The following OPA1 variants were observed in gnomAD, a reference collection of about 807,000 sequenced individuals.
The protein encoded by OPA1 is dynamin-like GTPase OPA1, mitochondrial.
A neutral mutation model predicts 152.9 loss-of-function variants in OPA1; 59 were observed. The observed-to-expected ratio is 0.39, with a 90% CI of 0.31 to 0.48. The LOEUF (loss-of-function observed/expected upper bound fraction) is 0.48. Ranked by LOEUF, OPA1 falls within the 20% of genes least tolerant of loss-of-function variation. The pLI is 0.96. For missense variants in OPA1, 1,008 were observed against 1,216.8 expected, an observed-to-expected ratio of 0.83 and a Z score of 2.55; for synonymous variants, 400 against 389.9, an observed-to-expected ratio of 1.03 and a Z score of -0.31.
At chr3:193,648,916 C>T (rs374948935) in intron 21 of OPA1, 45 bp downstream of exon 21, 194 of 1,254,630 alleles carry the variant, frequency 1.5e-4, no homozygotes, top group Non-Finnish European at 2.1e-4. Flanking sequence ...CTTTACTGTA[C>T]AGGTTATAAT....
chr3:193,668,565 A>G (rs902584534), intron 29 of OPA1: 4 of 1,546,054 alleles, frequency 2.6e-6, no homozygotes, highest in Non-Finnish European at 2.6e-6. Flanking sequence ...AAGCCAGACC[A>G]TGCCTTTGTG....
chr3:193,614,623 G>C, intron 1 of OPA1, 100 bp from the exon 2 acceptor site: 1 of 838,026 alleles, frequency 1.2e-6, no homozygotes, highest in East Asian at 2.4e-5. Flanking sequence ...GGTTAGTCAC[G>C]TATGGGGCTG....
At chr3:193,670,576 CAGGA>C (rs1717703655) in intron 29 of OPA1, among the ~76,000 whole-genome samples, 1 of 151,970 alleles carries the variant, frequency 6.6e-6, no homozygotes, top group South Asian at 2.1e-4. Context: ...CCATGTTAGC[CAGGA>C]TGGTCTCGAT....
Position 193,662,858 on chromosome 3 carries a change from A to C in OPA1, c.2557A>C (p.Met853Leu). Residue 853 changes from methionine to leucine, a missense_variant, in exon 26 of 31, where the codon ATG (methionine) becomes CTG (leucine). Around this residue, in one of 7 missense-constraint regions of OPA1, gnomAD observed 229 missense variants for 269.0 expected, o/e 0.85. Transcript: ENST00000361510. ...TGAAACCAAGAATGAATTGGAGAAG[A>C]TGTTGAAATGTAATGAGGAGCACCC... The part of the protein sequence containing the change: ...HNETKNELEK[M>L]LKCNEEHPAY... 6.2e-7 allele frequency: 1 copy of C among 1,613,408 alleles called. No individual in the cohort carries two copies. Among genetic ancestry groups the C allele is most frequent in the Non-Finnish European group, 8.5e-7 (1 of 1,179,418 alleles).
intron 29 of OPA1, among the ~76,000 whole-genome samples, chr3:193,677,844 A>G (rs1055090202): frequency 1.4e-4 from 21 of 152,212 alleles, no homozygotes; most frequent in Admixed American, 2.6e-4. Flanking sequence ...TATTTTCCCA[A>G]GTAACCTACT....
intron 30 of OPA1, among the ~76,000 whole-genome samples, chr3:193,693,376 A>G (rs1038948078): frequency 1.1e-4 from 16 of 152,272 alleles, no homozygotes; most frequent in Non-Finnish European, 2.9e-5. Context: ...GCGGTGGCTC[A>G]CTCCTGTAAT....
At chr3:193,629,558 G>A (rs1215913301) in intron 7 of OPA1, among the ~76,000 whole-genome samples, 1 of 151,818 alleles carries the variant, frequency 6.6e-6, no homozygotes, top group Non-Finnish European at 1.5e-5. Flanking sequence ...AAATTAGCTG[G>A]GTGTGCTGGC....
At chr3:193,679,054 C>T (rs557109667) in intron 29 of OPA1, among the ~76,000 whole-genome samples, 1 of 152,214 alleles carries the variant, frequency 6.6e-6, no homozygotes, top group Admixed American at 6.5e-5. Context: ...ACCACATGTT[C>T]TCACTCATAA....
chr3:193,633,017 G>A lies in OPA1; in HGVS notation c.843+1352G>A, dbSNP rs1732343738. On this transcript the variant is annotated intron_variant, in intron 8 of 30. Transcript: ENST00000361510. Reference sequence around the variant, plus strand: ...ATTAGGGATAATCAGTCAGTAGTATGTTTTGAGTCACAGGTTTCTTTGGTA... The same window carrying A: ...ATTAGGGATAATCAGTCAGTAGTATATTTTGAGTCACAGGTTTCTTTGGTA... Among the ~76,000 whole-genome samples, 3 of 152,196 alleles carry A rather than the reference G, an allele frequency of 2.0e-5. No individual in the cohort carries two copies. In the South Asian group the frequency reaches 6.2e-4, roughly 31 times the overall value.
In OPA1 at chr3:193,643,684, A is replaced by G. The variant is rs541732397; in HGVS notation, c.1477+57A>G. 6 of 1,428,610 alleles carry G rather than the reference A, an allele frequency of 4.2e-6. No homozygotes were observed. In the East Asian group the frequency reaches 1.4e-4, roughly 33 times the overall value. The allele number at this position is 1,428,610 out of a possible 1,614,324, so 88.5% of individuals were successfully genotyped here. The stretch of plus-strand genomic sequence containing the variant: ...ATATGTTTTCTTCTTTAGCAATCCA[A>G]GCTTTGCATTAAATAGTTTGTGTTA... On this transcript the variant is annotated intron_variant, in intron 15 of 30. Coordinates refer to ENST00000361510, the MANE Select transcript of OPA1 (RefSeq NM_130837.3).
chr3:193,594,655 T>C (rs1725226736), intron 1 of OPA1, among the ~76,000 whole-genome samples: 1 of 152,238 alleles, frequency 6.6e-6, no homozygotes, highest in Non-Finnish European at 1.5e-5. Context: ...CCCAAAGTGC[T>C]GGGATTACAA....
intron 6 of OPA1, 39 bp from the exon 7 acceptor site, chr3:193,626,053 C>T: frequency 1.4e-6 from 2 of 1,469,282 alleles, no homozygotes; most frequent in Non-Finnish European, 1.9e-6. Context: ...TTATTCTCCT[C>T]CCCAATTTCC....
intron 11 of OPA1, among the ~76,000 whole-genome samples, chr3:193,641,589 T>C (rs565682240): frequency 6.6e-6 from 1 of 152,338 alleles, no homozygotes; most frequent in Admixed American, 6.5e-5. Flanking sequence ...CTACACATTT[T>C]AAGTTTTTCT....
chr3:193,677,297 T>G (rs886911633), intron 29 of OPA1, among the ~76,000 whole-genome samples: 31 of 149,042 alleles, frequency 2.1e-4, no homozygotes, highest in Admixed American at 6.6e-5. Context: ...ACTTCTTTTT[T>G]TTTTTTTTTT....
chr3:193,611,596 CAAA>C (rs35159597), intron 1 of OPA1, among the ~76,000 whole-genome samples: 335 of 68,768 alleles, frequency 4.9e-3, no homozygotes, highest in Middle Eastern at 0.033. Context: ...GACTCCACCT[CAAA>C]AAAAAAAAAA....
chr3:193,643,219 T>G (rs1270575853), intron 13 of OPA1, among the ~76,000 whole-genome samples, 154 bp from the exon 14 acceptor site: 1 of 152,178 alleles, frequency 6.6e-6, no homozygotes, highest in African/African-American at 2.4e-5. Context: ...TCCAGAATAA[T>G]TACTTTTAGG....
chr3:193,678,417 A>G (rs887141355), intron 29 of OPA1, among the ~76,000 whole-genome samples: 1 of 152,232 alleles, frequency 6.6e-6, no homozygotes, highest in South Asian at 2.1e-4. Context: ...AATTGCCACC[A>G]CCCAGAGATT....
rs749421879 is a variant in OPA1 at position 193,647,045 on chromosome 3, T to G, written c.1755-20T>G. On this transcript the variant is annotated intron_variant, in intron 18 of 30. Coordinates refer to ENST00000361510, the MANE Select transcript of OPA1 (RefSeq NM_130837.3). ...TTGTCATTTTAATATACTTTAGCTC[T>G]TGTTATTTTTTTTTAATAGGACAAG... The G allele has an allele frequency of 1.3e-6, 2 of 1,510,920 alleles. No homozygotes were observed. Among genetic ancestry groups the G allele is most frequent in the South Asian group, 2.3e-5 (2 of 88,140 alleles). 93.6% of individuals were successfully genotyped at this position (1,510,920 alleles called of 1,614,324 possible).
chr3:193,676,867 G>A (rs1046244047), intron 29 of OPA1, among the ~76,000 whole-genome samples: 1 of 151,836 alleles, frequency 6.6e-6, no homozygotes, highest in African/African-American at 2.4e-5. Flanking sequence ...TGTAGTCCCA[G>A]CTGCTGGGGA....
Sources: allele counts gnomAD v4.1 joint callset (sites outside exome capture counted in the v4.1 genomes callset), GRCh38; gene constraint gnomAD v4.1.1; regional missense constraint gnomAD v4.1.1; transcripts MANE v1.5; gene names NCBI Gene and HGNC (gene_info 2026-07-23, HGNC 2026-07-21).